Variants in ASAP1 observed in about 807,000 individuals in gnomAD.
ASAP1 encodes ArfGAP with SH3 domain, ankyrin repeat and PH domain 1, also known as arf-GAP with SH3 domain, ANK repeat and PH domain-containing protein 1.
A neutral mutation model predicts 145.2 loss-of-function variants in ASAP1; 43 were observed. The ratio of observed to expected loss-of-function variants is 0.30; its 90% CI spans 0.23 to 0.38. The LOEUF (loss-of-function observed/expected upper bound fraction) is 0.38, where lower values mean the gene tolerates loss of function less well. Among genes scored for constraint, ASAP1 ranks in the 10% least tolerant of loss-of-function variants. The pLI, the probability that ASAP1 is intolerant of heterozygous loss-of-function variation, is 1.00. For missense variants in ASAP1, 1,018 were observed against 1,355.3 expected (o/e 0.75, Z 3.91); for synonymous variants, 546 against 515.5 (o/e 1.06, Z -0.80).
chr8:130,435,759 A>G (rs1472168285), intron 1 of ASAP1, among the ~76,000 whole-genome samples: 1 of 152,168 alleles, frequency 6.6e-6, no homozygotes, highest in African/African-American at 2.4e-5. Context: ...TATTCCTCCC[A>G]TCAGCCCAGA....
intron 3 of ASAP1, among the ~76,000 whole-genome samples, chr8:130,251,288 G>A (rs1819181848): frequency 2.0e-5 from 3 of 152,016 alleles, no homozygotes; most frequent in African/African-American, 7.2e-5. Context: ...TGTGGTGATG[G>A]GCACTTGTAA....
intron 23 of ASAP1, 146 bp downstream of exon 23, chr8:130,115,482 C>T: frequency 4.5e-6 from 3 of 670,234 alleles, no homozygotes; most frequent in Non-Finnish European, 8.0e-6. Flanking sequence ...AAATGGTGCC[C>T]AATAAGGACT....
chr8:130,061,249 A>G (rs748604169), intron 27 of ASAP1, among the ~76,000 whole-genome samples, 180 bp from the exon 28 acceptor site: 1 of 152,194 alleles, frequency 6.6e-6, no homozygotes, highest in Non-Finnish European at 1.5e-5. Context: ...GAAAGCCTGG[A>G]AAGTGTTACA....
intron 2 of ASAP1, among the ~76,000 whole-genome samples, chr8:130,389,358 CAGGA>C (rs148570138): frequency 0.033 from 5,033 of 152,240 alleles, 105 homozygotes; most frequent in African/African-American, 0.064. Context: ...GGTTAAAGTC[CAGGA>C]CAAGGGAAAA....
chr8:130,112,016 T>C (rs879803148), intron 24 of ASAP1, 78 bp downstream of exon 24: 35 of 1,375,996 alleles, frequency 2.5e-5, no homozygotes, highest in Non-Finnish European at 3.6e-5. Context: ...ACCTCAAAGC[T>C]GGCTAGACTA....
chr8:130,204,703 G>A (rs1816092336), intron 5 of ASAP1, among the ~76,000 whole-genome samples: 1 of 152,186 alleles, frequency 6.6e-6, no homozygotes, highest in South Asian at 2.1e-4. Flanking sequence ...AGAGAAGGGG[G>A]AGCTTCCATG....
chr8:130,413,605 C>G (rs1829354818), intron 1 of ASAP1, among the ~76,000 whole-genome samples: 1 of 152,168 alleles, frequency 6.6e-6, no homozygotes, highest in South Asian at 2.1e-4. Flanking sequence ...CCTTAGAAGA[C>G]TGTAAGTTTG....
intron 22 of ASAP1, among the ~76,000 whole-genome samples, 177 bp downstream of exon 22, chr8:130,116,501 A>G (rs1415449758): frequency 6.6e-6 from 1 of 152,240 alleles, no homozygotes; most frequent in Non-Finnish European, 1.5e-5. Context: ...AAACATGTGG[A>G]TGACAAATTT....
chr8:130,202,726 T>A (rs1271423535), intron 5 of ASAP1, among the ~76,000 whole-genome samples: 2 of 152,206 alleles, frequency 1.3e-5, no homozygotes, highest in African/African-American at 2.4e-5. Context: ...AATGAGTGAA[T>A]GAATGAATCT....
intron 1 of ASAP1, among the ~76,000 whole-genome samples, chr8:130,417,508 C>G (rs774793245): frequency 5.3e-5 from 8 of 151,974 alleles, no homozygotes; most frequent in Non-Finnish European, 8.8e-5. Context: ...TCCCTTCTCA[C>G]AGTTCAGAGA....
intron 3 of ASAP1, among the ~76,000 whole-genome samples, chr8:130,322,647 T>A (rs910472497): frequency 6.6e-6 from 1 of 152,236 alleles, no homozygotes; most frequent in Non-Finnish European, 1.5e-5. Context: ...GCTATCTGGA[T>A]TCAGTTCGAT....
intron 2 of ASAP1, among the ~76,000 whole-genome samples, chr8:130,385,297 C>A (rs1354301095): frequency 6.6e-6 from 1 of 152,198 alleles, no homozygotes; most frequent in Non-Finnish European, 1.5e-5. Context: ...GAAACCCCGT[C>A]TCCACTAAAA....
chr8:130,126,373 T>A (rs2097574985), intron 16 of ASAP1, among the ~76,000 whole-genome samples: 1 of 152,190 alleles, frequency 6.6e-6, no homozygotes, highest in South Asian at 2.1e-4. Context: ...AGATGTTCCC[T>A]CACTGCCACT....
At chr8:130,164,341 T>C (rs1309996125) in intron 11 of ASAP1, among the ~76,000 whole-genome samples, 2 of 152,196 alleles carry the variant, frequency 1.3e-5, no homozygotes, top group African/African-American at 4.8e-5. Context: ...TCCCAGCACT[T>C]TGGGAGGCTG....
At chr8:130,341,732 T>C (rs1435975607) in intron 3 of ASAP1, among the ~76,000 whole-genome samples, 3 of 152,138 alleles carry the variant, frequency 2.0e-5, no homozygotes, top group African/African-American at 7.2e-5. Flanking sequence ...ACGTACCAAG[T>C]GACCAAGGTT....
intron 5 of ASAP1, among the ~76,000 whole-genome samples, chr8:130,209,040 T>C (rs551400221): frequency 3.3e-5 from 5 of 152,340 alleles, no homozygotes; most frequent in South Asian, 4.1e-4. Flanking sequence ...CCTGTAGGCA[T>C]GTGTTCTTTT....
intron 27 of ASAP1, 75 bp from the exon 28 acceptor site, chr8:130,061,144 C>A: frequency 6.7e-7 from 1 of 1,502,924 alleles, no homozygotes; most frequent in Non-Finnish European, 8.9e-7. Context: ...AAAAGAGGCA[C>A]CATCATCATG....
chr8:130,441,011 G>A (rs759172260), intron 1 of ASAP1, among the ~76,000 whole-genome samples: 6 of 152,144 alleles, frequency 3.9e-5, no homozygotes, highest in Admixed American at 1.3e-4. Context: ...GGTCTATTTC[G>A]TCCACCACTG....
intron 2 of ASAP1, among the ~76,000 whole-genome samples, chr8:130,399,573 C>G (rs1315172886): frequency 6.6e-6 from 1 of 152,186 alleles, no homozygotes; most frequent in East Asian, 1.9e-4. Context: ...AAAAGCCTCT[C>G]AGGTTGGCCT....
Sources: allele counts gnomAD v4.1 joint callset (sites outside exome capture counted in the v4.1 genomes callset), GRCh38; gene constraint gnomAD v4.1.1; transcripts MANE v1.5; gene names NCBI Gene and HGNC (gene_info 2026-07-23, HGNC 2026-07-21).